MID2: variants seen among roughly 807,000 people sequenced by gnomAD.
MID2 encodes midline 2.
A neutral mutation model predicts 46.1 loss-of-function variants in MID2; 13 were observed. The observed-to-expected ratio is 0.28, with a 90% CI of 0.18 to 0.45. The LOEUF (loss-of-function observed/expected upper bound fraction) is 0.45. MID2 is among the 20% of genes least tolerant of loss of function. The pLI is 1.00. For missense variants in MID2, 431 were observed against 575.4 expected, an observed-to-expected ratio of 0.75 and a Z score of 2.57; for synonymous variants, 199 against 212.3, an observed-to-expected ratio of 0.94 and a Z score of 0.55.
At chrX:107,843,061 T>C (rs779883804) in intron 2 of MID2, among the ~76,000 whole-genome samples, 2 of 112,116 alleles carry the variant, frequency 1.8e-5, no homozygotes, top group Non-Finnish European at 3.8e-5. Flanking sequence ...TTCGTGGTCA[T>C]AGATAAATGA....
chrX:107,890,269 A>G (rs190750054), intron 3 of MID2, among the ~76,000 whole-genome samples: 1 of 111,300 alleles, frequency 9.0e-6, no homozygotes, highest in Admixed American at 9.5e-5. Flanking sequence ...TTTGTCTTTG[A>G]TGATGGTGAC....
intron 2 of MID2, among the ~76,000 whole-genome samples, chrX:107,841,790 G>A: frequency 8.9e-6 from 1 of 112,500 alleles, no homozygotes. Flanking sequence ...TAGGTATATG[G>A]CAATGGGAAG....
At chrX:107,871,201 A>G (rs937455158) in intron 3 of MID2, among the ~76,000 whole-genome samples, 4 of 111,835 alleles carry the variant, frequency 3.6e-5, no homozygotes, top group Admixed American at 2.8e-4. Context: ...ATTTAGGAGT[A>G]TTCAAGCAGA....
At chrX:107,835,925 G>T (rs757266178) in intron 1 of MID2, among the ~76,000 whole-genome samples, 64 of 112,083 alleles carry the variant, frequency 5.7e-4, no homozygotes, top group Non-Finnish European at 9.8e-4. Context: ...CTGAGAAACT[G>T]TTGCCTGCCT....
chrX:107,833,921 G>A (rs1045708233), intron 1 of MID2, among the ~76,000 whole-genome samples: 9 of 111,189 alleles, frequency 8.1e-5, no homozygotes, highest in African/African-American at 2.9e-4. Flanking sequence ...AGCCTCTCAA[G>A]TAGCTGGGAC....
rs1933220234 is a variant in MID2, at chrX:107,928,220, C to A, written c.*1147C>A. ...TGTACTTGCTTTTTCAGATAAAACA[C>A]TTCTGAAGTGCTCAAGAATGTCTGA... is the stretch of plus-strand genomic sequence containing the variant. On this transcript the variant is annotated 3_prime_UTR_variant, in exon 10 of 10. Transcript: ENST00000262843. Among the ~76,000 whole-genome samples, 1 of 111,570 alleles carries A rather than the reference C, an allele frequency of 9.0e-6. No individual in the cohort carries two copies. Among genetic ancestry groups the A allele is most frequent in the South Asian group, 3.8e-4 (1 of 2,652 alleles).
chrX:107,858,215 T>G (rs976666322), intron 3 of MID2, among the ~76,000 whole-genome samples: 1 of 112,041 alleles, frequency 8.9e-6, no homozygotes, highest in Non-Finnish European at 1.9e-5. Context: ...GAAAATGTTT[T>G]CTGCTGCGGC....
At position 107,930,064 on chromosome X, in the gene MID2, C is replaced by T. The variant is rs925780296; in HGVS notation, c.*2991C>T. ...AAAAATTTTAATGAATAATCATCTT[C>T]CCTACTAGACTGAACACCTTGAGAG... On this transcript the variant is annotated 3_prime_UTR_variant, in exon 10 of 10. Coordinates refer to ENST00000262843, the MANE Select transcript of MID2 (RefSeq NM_012216.4). Among the ~76,000 whole-genome samples, 2 of 111,872 alleles carry T rather than the reference C, an allele frequency of 1.8e-5. No individual in the cohort carries two copies. The highest frequency in any genetic ancestry group is 6.5e-5 in the African/African-American group (2 of 30,792).
rs1315746943 is a variant in MID2, at chrX:107,884,669, A to G, written c.817-19289A>G. On this transcript the variant is annotated intron_variant, in intron 3 of 9. Coordinates refer to ENST00000262843, the MANE Select transcript of MID2 (RefSeq NM_012216.4). ...AAAAATAAAAATAAAAATAAATTTTAGCTACAAAGAGACCAAAAACAAAAC... is the reference window on the plus strand; with the variant it reads ...AAAAATAAAAATAAAAATAAATTTTGGCTACAAAGAGACCAAAAACAAAAC... Among the ~76,000 whole-genome samples the G allele has an allele frequency of 2.7e-5, 3 of 110,498 alleles. No individual in the cohort carries two copies. The East Asian group carries it at 8.3e-4, about 30-fold the overall frequency.
intron 3 of MID2, among the ~76,000 whole-genome samples, chrX:107,860,670 A>G (rs1383737354): frequency 8.9e-6 from 1 of 112,360 alleles, no homozygotes; most frequent in Non-Finnish European, 1.9e-5. Context: ...TATCAAAGTA[A>G]ATTATTCATT....
At chrX:107,879,050 G>A (rs1204329974) in intron 3 of MID2, among the ~76,000 whole-genome samples, 2 of 111,127 alleles carry the variant, frequency 1.8e-5, no homozygotes, top group Non-Finnish European at 3.8e-5. Flanking sequence ...ACCAGGGCGA[G>A]TGCTTTTGGG....
chrX:107,857,577 G>A (rs1377364527), intron 3 of MID2, among the ~76,000 whole-genome samples: 1 of 111,637 alleles, frequency 9.0e-6, no homozygotes, highest in Non-Finnish European at 1.9e-5. Context: ...CACCGGGCCC[G>A]GCCAACTTCC....
chrX:107,859,193 A>G (rs1342053694), intron 3 of MID2, among the ~76,000 whole-genome samples: 1 of 111,820 alleles, frequency 8.9e-6, no homozygotes, highest in East Asian at 2.8e-4. Flanking sequence ...CCAAGCATAA[A>G]ATATAAATAT....
At chrX:107,913,811 T>C (rs372132443) in intron 5 of MID2, among the ~76,000 whole-genome samples, 17 of 111,612 alleles carry the variant, frequency 1.5e-4, no homozygotes, top group African/African-American at 2.3e-4. Flanking sequence ...ACTGAAGCCA[T>C]AGTAGTATTC....
At position 107,826,033 on chromosome X, in the gene MID2, C is replaced by T. The variant is rs1030757951; in HGVS notation, c.-394C>T. 6.8e-6 allele frequency: 2 copies of T among 293,394 alleles called. No individual in the cohort carries two copies. The highest frequency in any genetic ancestry group is 1.2e-5 in the Non-Finnish European group (2 of 167,562). 24.2% of individuals were successfully genotyped at this position (293,394 alleles called of 1,213,427 possible). On this transcript the variant is annotated 5_prime_UTR_variant, in exon 1 of 10. Transcript: ENST00000262843. ...GGTGTCAGCCCCAGCCCCGTTTGCC[C>T]CCACTCCGCCTCCCTTTTGGAAGGG...
intron 2 of MID2, among the ~76,000 whole-genome samples, chrX:107,845,114 A>G (rs371750863): frequency 5.2e-4 from 58 of 111,861 alleles, no homozygotes; most frequent in African/African-American, 1.4e-3. Context: ...AACTACTGAC[A>G]ATGTTCAAAA....
chrX:107,914,306 T>C, intron 5 of MID2, among the ~76,000 whole-genome samples: 2 of 111,976 alleles, frequency 1.8e-5, no homozygotes, highest in South Asian at 7.6e-4. Flanking sequence ...CAGAAAGAAA[T>C]TCCATGAGCT....
chrX:107,909,737 G>T (rs1011760357), intron 5 of MID2, among the ~76,000 whole-genome samples: 3 of 112,485 alleles, frequency 2.7e-5, no homozygotes, highest in African/African-American at 9.7e-5. Flanking sequence ...CACTTGATAG[G>T]TTGGAAATAA....
intron 9 of MID2, 94 bp downstream of exon 9, chrX:107,926,395 C>A: frequency 2.4e-6 from 2 of 827,263 alleles, no homozygotes; most frequent in Non-Finnish European, 3.4e-6. Flanking sequence ...ACCAATAAGT[C>A]AAGGTTAAAA....
Sources: gnomAD v4.1 joint callset for allele counts (sites outside exome capture counted in the v4.1 genomes callset) on GRCh38, gnomAD v4.1.1 for gene constraint, MANE v1.5 for transcripts, NCBI Gene and HGNC (gene_info 2026-07-23, HGNC 2026-07-21) for gene names.